CSMD2: variants seen among roughly 807,000 people sequenced by gnomAD.
CSMD2 encodes the protein CUB and Sushi multiple domains 2.
In CSMD2, 130 loss-of-function variants were observed where a neutral mutation model predicts 398.5. The observed-to-expected ratio is 0.33, with a 90% CI of 0.28 to 0.38. The LOEUF is 0.38. Ranked by LOEUF, CSMD2 falls within the 10% of genes least tolerant of loss-of-function variation. The pLI is 1.00. For missense variants in CSMD2, 3,829 were observed against 4,764.9 expected, an observed-to-expected ratio of 0.80 and a Z score of 5.78; for synonymous variants, 1,828 against 1,908.5, an observed-to-expected ratio of 0.96 and a Z score of 1.10.
chr1:34,160,248 G>A (rs1036877091), intron 1 of CSMD2, among the ~76,000 whole-genome samples: 1 of 152,212 alleles, frequency 6.6e-6, no homozygotes, highest in Admixed American at 6.5e-5. Flanking sequence ...ACCAGCCCTA[G>A]ATATGGTGGG....
rs1345123745 is a variant in CSMD2 at position 33,652,349 on chromosome 1, G to A, written c.4560C>T (p.Asp1520=). Residue 1520 remains aspartate, a synonymous_variant, in exon 28 of 71, where the codon GAC becomes GAT. Transcript: ENST00000373381. Reference sequence around the variant, plus strand: ...TGTTAAATACCAGGGCGATGACGTAGTCTGGTGAGACGGTCACTTTCCAGT... The same window carrying A: ...TGTTAAATACCAGGGCGATGACGTAATCTGGTGAGACGGTCACTTTCCAGT... ...ECDWKVTVSP[D]YVIALVFNIF... is the part of the protein sequence containing the mutation. 6.2e-7 allele frequency: 1 copy of A among 1,614,192 alleles called. No individual in the cohort carries two copies. Among genetic ancestry groups the A allele is most frequent in the Admixed American group, 1.7e-5 (1 of 60,028 alleles).
chr1:33,664,784 C>T (rs1306869397), intron 25 of CSMD2, among the ~76,000 whole-genome samples: 1 of 151,648 alleles, frequency 6.6e-6, no homozygotes, highest in East Asian at 1.9e-4. Context: ...GCCTGGGCGA[C>T]ACAGCGAGAC....
At chr1:33,941,833 A>T (rs1394191196) in intron 3 of CSMD2, among the ~76,000 whole-genome samples, 1 of 151,790 alleles carries the variant, frequency 6.6e-6, no homozygotes. Flanking sequence ...TTTATATTTT[A>T]TTATACATGA....
chr1:34,044,856 T>C (rs1282659315), intron 2 of CSMD2, among the ~76,000 whole-genome samples: 1 of 152,210 alleles, frequency 6.6e-6, no homozygotes, highest in African/African-American at 2.4e-5. Flanking sequence ...AGAGTAAATG[T>C]AAGCAACGTT....
intron 70 of CSMD2, among the ~76,000 whole-genome samples, chr1:33,517,887 G>A (rs1653902821): frequency 6.6e-6 from 1 of 152,252 alleles, no homozygotes; most frequent in Non-Finnish European, 1.5e-5. Flanking sequence ...TGCTGCTCTT[G>A]TAACCCCCTC....
chr1:34,084,010 T>C (rs902535873), intron 2 of CSMD2, among the ~76,000 whole-genome samples: 5 of 152,050 alleles, frequency 3.3e-5, no homozygotes, highest in African/African-American at 1.2e-4. Flanking sequence ...GTGGTCTCCT[T>C]CTAGCCCTTC....
chr1:33,733,618 G>A (rs917094435), intron 15 of CSMD2, among the ~76,000 whole-genome samples: 1 of 152,134 alleles, frequency 6.6e-6, no homozygotes, highest in African/African-American at 2.4e-5. Context: ...ACCAGGTGGA[G>A]GTAATCGGAT....
chr1:34,035,738 CA>C (rs149807105), intron 2 of CSMD2, among the ~76,000 whole-genome samples: 3,366 of 119,836 alleles, frequency 0.028, 124 homozygotes, highest in African/African-American at 0.093. Context: ...AGAACATCTA[CA>C]AAAAAAAAAA....
chr1:33,517,419 C>A (rs10798959), intron 70 of CSMD2, among the ~76,000 whole-genome samples: 1 of 152,088 alleles, frequency 6.6e-6, no homozygotes, highest in African/African-American at 2.4e-5. Flanking sequence ...AGGTGTGGAG[C>A]AAGAGTGACT....
intron 3 of CSMD2, among the ~76,000 whole-genome samples, chr1:33,993,384 A>C (rs1646624619): frequency 6.6e-6 from 1 of 152,180 alleles, no homozygotes. Flanking sequence ...GCTTCTGTCC[A>C]TCTCATTCCA....
intron 55 of CSMD2, among the ~76,000 whole-genome samples, chr1:33,550,859 G>A (rs571663413): frequency 5.3e-5 from 8 of 152,296 alleles, no homozygotes; most frequent in African/African-American, 1.4e-4. Flanking sequence ...AAATACTGAA[G>A]TATAGCTGTG....
At chr1:33,781,894 C>T (rs1418981216) in intron 12 of CSMD2, among the ~76,000 whole-genome samples, 2 of 147,954 alleles carry the variant, frequency 1.4e-5, no homozygotes, top group Admixed American at 6.7e-5. Flanking sequence ...TCCCCTCCCC[C>T]GCCCCCTGAC....
At position 34,093,066 on chromosome 1, in the gene CSMD2, C is replaced by T. The variant is rs1365999899; in HGVS notation, c.188-3873G>A. ...CAGTACGCAGCTGGAGATCTGAGAA[C>T]TGGCAGACTGCCTCCTCAAGTGGGT... On this transcript the variant is annotated intron_variant, in intron 1 of 70. Coordinates refer to ENST00000373381, the MANE Select transcript of CSMD2 (RefSeq NM_001281956.2). 7.2e-5 allele frequency among the ~76,000 whole-genome samples: 11 copies of T among 152,230 alleles called. No individual in the cohort carries two copies. In the South Asian group the frequency reaches 2.3e-3, roughly 32 times the overall value.
intron 2 of CSMD2, among the ~76,000 whole-genome samples, chr1:34,081,616 C>T (rs932226376): frequency 5.9e-5 from 9 of 152,150 alleles, no homozygotes; most frequent in Non-Finnish European, 8.8e-5. Flanking sequence ...GACGGGGTTT[C>T]GCCGTGTTGG....
At chr1:33,946,455 G>T (rs1036508907) in intron 3 of CSMD2, among the ~76,000 whole-genome samples, 1 of 152,130 alleles carries the variant, frequency 6.6e-6, no homozygotes, top group Non-Finnish European at 1.5e-5. Flanking sequence ...TGTTTGTTCT[G>T]GGGGCAGGAT....
chr1:33,918,088 G>A lies in CSMD2; in HGVS notation c.920+6C>T. On this transcript the variant is annotated splice_donor_region_variant and intron_variant, in intron 5 of 70. Transcript: ENST00000373381. ...GGGTAGGAAAGGAAGGTGATGTTGTGCTTACCAGAGGGAGGAGCCTTCTGT... is the reference window on the plus strand; with the variant it reads ...GGGTAGGAAAGGAAGGTGATGTTGTACTTACCAGAGGGAGGAGCCTTCTGT... 6.2e-7 allele frequency: 1 copy of A among 1,612,436 alleles called. No individual in the cohort carries two copies. The highest frequency in any genetic ancestry group is 8.5e-7 in the Non-Finnish European group (1 of 1,179,304).
At chr1:33,534,181 C>T (rs746995552) in intron 62 of CSMD2, among the ~76,000 whole-genome samples, 17 of 152,056 alleles carry the variant, frequency 1.1e-4, no homozygotes, top group Non-Finnish European at 2.2e-4. Flanking sequence ...ACCCTGGATC[C>T]GAGTTCTGGC....
intron 6 of CSMD2, among the ~76,000 whole-genome samples, chr1:33,832,569 C>G (rs911745422): frequency 1.3e-5 from 2 of 149,386 alleles, no homozygotes; most frequent in African/African-American, 5.0e-5. Flanking sequence ...AAATTGACAC[C>G]CTAGCATCAC....
intron 1 of CSMD2, among the ~76,000 whole-genome samples, chr1:34,105,080 T>G (rs1161632449): frequency 6.6e-6 from 1 of 152,236 alleles, no homozygotes; most frequent in Non-Finnish European, 1.5e-5. Context: ...TTTCGTGCAT[T>G]AAGTGCTGGG....
Sources: allele counts gnomAD v4.1 joint callset (sites outside exome capture counted in the v4.1 genomes callset), GRCh38; gene constraint gnomAD v4.1.1; transcripts MANE v1.5; gene names NCBI Gene and HGNC (gene_info 2026-07-23, HGNC 2026-07-21).